Variants in ITGAD observed in about 807,000 individuals in gnomAD.
ITGAD encodes the protein integrin subunit alpha D, also known as integrin alpha-D.
ITGAD carries 105 observed loss-of-function variants against 139.0 expected under a neutral mutation model. That is an observed-to-expected ratio of 0.76 (90% CI 0.65 to 0.89). The LOEUF is 0.89. ITGAD is among the 40% of genes least tolerant of loss of function. The pLI, the probability that ITGAD is intolerant of heterozygous loss-of-function variation, is 0.00. For missense variants in ITGAD, 1,384 were observed against 1,487.3 expected (o/e 0.93, Z 1.14); for synonymous variants, 569 against 598.3 (o/e 0.95, Z 0.71).
In ITGAD at chr16:31,426,118, C is replaced by T; in HGVS notation, c.3476C>T (p.Pro1159Leu). The T allele has an allele frequency of 5.6e-6, 9 of 1,607,126 alleles. No homozygotes were observed. The highest frequency in any genetic ancestry group is 6.0e-6 in the Non-Finnish European group (7 of 1,173,818). The change falls in exon 30 of 30, where the codon CCT becomes CTT. Residue 1159 changes from proline (P) to leucine (L), a missense_variant. Pro to Leu is a moderately conservative substitution (Grantham distance 98). Coordinates refer to ENST00000389202, the MANE Select transcript of ITGAD (RefSeq NM_005353.3). ...TTCAGCTGTGTGGCCCCAAATGTGC[C>T]TTTGTCCTAATAATCCACTTTCCTG... ...DDFSCVAPNVPLS is the reference protein window; with the variant it reads ...DDFSCVAPNVLLS
At chr16:31,413,362 C>T (rs1322632103) in intron 16 of ITGAD, 116 bp downstream of exon 16, 4 of 1,133,656 alleles carry the variant, frequency 3.5e-6, no homozygotes, top group East Asian at 2.5e-5. Context: ...CACTCACCAC[C>T]TGTGCCAGAA....
At position 31,416,590 on chromosome 16, in the gene ITGAD, G is replaced by A. The variant is rs767511529; in HGVS notation, c.2443G>A (p.Val815Met). 1.2e-5 allele frequency: 20 copies of A among 1,613,686 alleles called. No individual in the cohort carries two copies. The highest frequency in any genetic ancestry group is 1.2e-4 in the Admixed American group (7 of 59,992). Residue 815 changes from valine (V) to methionine (M), a missense_variant, in exon 20 of 30, where the codon GTG (valine) becomes ATG (methionine). By Grantham distance (21) the Val-to-Met change is conservative. Transcript: ENST00000389202. Reference sequence around the variant, plus strand: ...CGCAGGTGAGGATTCCTACGGAACCGTGGTCAGCCTCTACTATCCAGCAGG... The same window carrying A: ...CGCAGGTGAGGATTCCTACGGAACCATGGTCAGCCTCTACTATCCAGCAGG... The part of the protein sequence containing the change: ...WNAGEDSYGT[V>M]VSLYYPAGLS...
intron 23 of ITGAD, 75 bp downstream of exon 23, chr16:31,418,639 G>A: frequency 8.9e-7 from 1 of 1,117,448 alleles, no homozygotes. Flanking sequence ...GTCCCAGCCT[G>A]CTCTTCCAAT....
In ITGAD at chr16:31,410,816, G is replaced by C; in HGVS notation, c.1294G>C (p.Ala432Pro). ...GAPRYQHTGK[A>P]VIFTQVSRQW... is the part of the protein sequence containing the mutation. ...CCCCCGCTACCAGCATACCGGGAAG[G>C]CTGTCATCTTCACCCAGGTGTCCAG... Residue 432 changes from alanine (A) to proline (P), a missense_variant, in exon 12 of 30, where the codon GCT (alanine) becomes CCT (proline). Ala to Pro is a conservative substitution (Grantham distance 27). Transcript: ENST00000389202. The C allele has an allele frequency of 6.2e-7, 1 of 1,613,974 alleles. No homozygotes were observed. The highest frequency in any genetic ancestry group is 8.5e-7 in the Non-Finnish European group (1 of 1,179,958).
intron 11 of ITGAD, 24 bp downstream of exon 11, chr16:31,410,548 G>T (rs201827964): frequency 7.0e-4 from 1,118 of 1,585,862 alleles, no homozygotes; most frequent in Non-Finnish European, 9.0e-4. Flanking sequence ...AGGGGTTGGG[G>T]ACAGGTTGGA....
At position 31,397,452 on chromosome 16, in the gene ITGAD, C is replaced by T. The variant is rs2081293522; in HGVS notation, c.231C>T (p.Ile77=). 5.0e-6 allele frequency: 8 copies of T among 1,594,564 alleles called. No individual in the cohort carries two copies. The South Asian group carries it at 7.9e-5, about 16-fold the overall frequency. The stretch of plus-strand genomic sequence containing the variant: ...CTGCCACCGGCATGTGCCAGCCCAT[C>T]CCGCTGCACAGTGAGTGACCACCTG... ...CAAATGMCQP[I]PLHIRPEAVN... The change falls in exon 3 of 30, where the codon ATC becomes ATT. Residue 77 remains isoleucine (I), a synonymous_variant. Transcript: ENST00000389202.
chr16:31,398,214 C>T (rs1371786332), intron 5 of ITGAD, among the ~76,000 whole-genome samples: 1 of 151,954 alleles, frequency 6.6e-6, no homozygotes, highest in Non-Finnish European at 1.5e-5. Context: ...GTCAGGAGTT[C>T]GAGACCAGCC....
rs368342016 is a variant in ITGAD at position 31,397,913 on chromosome 16, G to T, written c.427+4G>T. On this transcript the variant is annotated splice_donor_region_variant and intron_variant, in intron 5 of 29. Transcript: ENST00000389202. ...ACAGTCCCCGACGCCACGCCAGGTA[G>T]GTCCCTGGCAGGCCATGGTTCCCTG... 1.5e-5 allele frequency: 24 copies of T among 1,604,272 alleles called. No individual in the cohort carries two copies. The Middle Eastern group carries it at 4.9e-4, about 33-fold the overall frequency.
In ITGAD at chr16:31,397,899, C is replaced by T. The variant is rs150369443; in HGVS notation, c.417C>T (p.Asp139=). 338 of 1,611,720 alleles carry T rather than the reference C, an allele frequency of 2.1e-4. 2 individuals carry two copies. Among genetic ancestry groups the T allele is most frequent in the Middle Eastern group, 3.3e-4 (2 of 6,058 alleles). The change falls in exon 5 of 30, where the codon GAC becomes GAT. Residue 139 remains aspartate (D), a synonymous_variant. Transcript: ENST00000389202. ...GGGAGATCATCCAGACAGTCCCCGA[C>T]GCCACGCCAGGTAGGTCCCTGGCAG... ...SRWEIIQTVP[D]ATPECPHQEM...
rs1567355657 is a variant in ITGAD, at chr16:31,423,665, A to C, written c.3045+17A>C. ...CCCATGCTGGTGAGAAAGTCCCTGA[A>C]CCCCCACCGCCAAGATCAGCCCCCA... On this transcript the variant is annotated intron_variant, in intron 26 of 29. Coordinates refer to ENST00000389202, the MANE Select transcript of ITGAD (RefSeq NM_005353.3). 1 of 1,607,906 alleles carries C rather than the reference A, an allele frequency of 6.2e-7. No individual in the cohort carries two copies. The highest frequency in any genetic ancestry group is 8.5e-7 in the Non-Finnish European group (1 of 1,175,438).
At chr16:31,414,353 C>A in intron 16 of ITGAD, 98 bp from the exon 17 acceptor site, 1 of 1,300,358 alleles carries the variant, frequency 7.7e-7, no homozygotes. Context: ...TGGCCCATAG[C>A]AGTGTCCAGC....
At chr16:31,415,884 G>A (rs1319919918) in intron 18 of ITGAD, among the ~76,000 whole-genome samples, 2 of 152,050 alleles carry the variant, frequency 1.3e-5, no homozygotes. Flanking sequence ...GAACCATGTC[G>A]AATTTGCCTG....
At position 31,426,341 on chromosome 16, in the gene ITGAD, G is replaced by A. The variant is rs2082115136; in HGVS notation, c.*213G>A. 2.0e-6 allele frequency: 1 copy of A among 503,268 alleles called. No homozygotes were observed. 31.2% of individuals were successfully genotyped at this position (503,268 alleles called of 1,614,324 possible). ...ACCCACTTTTTACAGAAGCAGGCAT[G>A]GTGCCAGCATAAATTTTCATATGCT... On this transcript the variant is annotated 3_prime_UTR_variant, in exon 30 of 30. Transcript: ENST00000389202.
chr16:31,408,406 C>A lies in ITGAD; in HGVS notation c.1010-19C>A, dbSNP rs752435279. Reference sequence around the variant, plus strand: ...GGTCTCATGGCTTCTAGGAACTTCACTGACCTGTTTCCCCACAGGAACCCA... The same window carrying A: ...GGTCTCATGGCTTCTAGGAACTTCAATGACCTGTTTCCCCACAGGAACCCA... On this transcript the variant is annotated intron_variant, in intron 9 of 29. Coordinates refer to ENST00000389202, the MANE Select transcript of ITGAD (RefSeq NM_005353.3). 18 of 1,611,324 alleles carry A rather than the reference C, an allele frequency of 1.1e-5. No homozygotes were observed. The highest frequency in any genetic ancestry group is 1.4e-5 in the Non-Finnish European group (17 of 1,177,734).
rs747451743 is a variant in ITGAD, at chr16:31,407,903, C to T, written c.996C>T (p.Ile332=). The T allele has an allele frequency of 9.4e-6, 15 of 1,593,288 alleles. No individual in the cohort carries two copies. Among genetic ancestry groups the T allele is most frequent in the Non-Finnish European group, 1.3e-5 (15 of 1,163,246 alleles). The stretch of plus-strand genomic sequence containing the variant: ...TCCAGAAGCAGCTGCAGGAGAAGAT[C>T]TATGCAGTTGAGGGTAAATGGAAGC... ...GSIQKQLQEK[I]YAVEGTQSRA... The change falls in exon 9 of 30, where the codon ATC becomes ATT. Residue 332 remains isoleucine, a synonymous_variant. Coordinates refer to ENST00000389202, the MANE Select transcript of ITGAD (RefSeq NM_005353.3).
chr16:31,411,223 G>A lies in ITGAD; in HGVS notation c.1497+7G>A. The stretch of plus-strand genomic sequence containing the variant: ...GTGTCCCTTGCCTAGGGGGGTGAGT[G>A]GCTGATGGGACCTAGGCTGGGTGGG... On this transcript the variant is annotated splice_region_variant and intron_variant, in intron 13 of 29. Coordinates refer to ENST00000389202, the MANE Select transcript of ITGAD (RefSeq NM_005353.3). The A allele has an allele frequency of 1.9e-6, 3 of 1,612,980 alleles. No individual in the cohort carries two copies. The highest frequency in any genetic ancestry group is 2.5e-6 in the Non-Finnish European group (3 of 1,179,370).
At chr16:31,402,291 C>T in intron 6 of ITGAD, 46 bp downstream of exon 6, 1 of 622,838 alleles carries the variant, frequency 1.6e-6, no homozygotes, top group Non-Finnish European at 2.3e-6. Context: ...ACGGGGGAGG[C>T]TGGCCTCGGG....
chr16:31,416,133 T>G, intron 18 of ITGAD, 80 bp from the exon 19 acceptor site: 1 of 1,168,890 alleles, frequency 8.6e-7, no homozygotes, highest in Non-Finnish European at 1.2e-6. Flanking sequence ...TAATGCTCAA[T>G]GTTGGAGAGT....
In ITGAD at chr16:31,412,821, T is replaced by C. The variant is rs2081764643; in HGVS notation, c.1708-17T>C. 5 of 1,613,058 alleles carry C rather than the reference T, an allele frequency of 3.1e-6. No individual in the cohort carries two copies. The highest frequency in any genetic ancestry group is 4.2e-6 in the Non-Finnish European group (5 of 1,179,782). On this transcript the variant is annotated splice_polypyrimidine_tract_variant and intron_variant, in intron 14 of 29. Transcript: ENST00000389202. ...CCCCATCTTCCAGCCTGATTCACCC[T>C]TTTCTCTTCTGGCCAGCGGATTGCC...
Sources: gnomAD v4.1 joint callset for allele counts (sites outside exome capture counted in the v4.1 genomes callset) on GRCh38, gnomAD v4.1.1 for gene constraint, MANE v1.5 for transcripts, NCBI Gene and HGNC (gene_info 2026-07-23, HGNC 2026-07-21) for gene names.